Variants in SEC24D observed in about 807,000 individuals in gnomAD.
SEC24D encodes SEC24 homolog D, COPII component.
A neutral mutation model predicts 116.9 loss-of-function variants in SEC24D; 69 were observed. That is an observed-to-expected ratio of 0.59 (90% confidence interval 0.49 to 0.72). The LOEUF is 0.72. SEC24D is among the 30% of genes least tolerant of loss of function. The pLI is 0.00. For missense variants in SEC24D, 1,131 were observed against 1,264.1 expected (o/e 0.89, Z 1.60); for synonymous variants, 405 against 442.8 (o/e 0.91, Z 1.07).
chr4:118,800,515 T>C (rs939521777), intron 7 of SEC24D, among the ~76,000 whole-genome samples: 1 of 152,180 alleles, frequency 6.6e-6, no homozygotes, highest in Non-Finnish European at 1.5e-5. Flanking sequence ...TTTTAAATAA[T>C]GACAATTAAT....
chr4:118,796,615 C>T (rs1356691892), intron 8 of SEC24D, among the ~76,000 whole-genome samples: 6 of 152,188 alleles, frequency 3.9e-5, no homozygotes, highest in African/African-American at 1.4e-4. Flanking sequence ...CATCACACAT[C>T]TCTCTTTTCT....
intron 10 of SEC24D, among the ~76,000 whole-genome samples, chr4:118,758,837 T>A (rs1047645370): frequency 1.3e-5 from 2 of 152,188 alleles, no homozygotes; most frequent in African/African-American, 4.8e-5. Context: ...TTATAGGACT[T>A]AAAAATCATC....
intron 8 of SEC24D, among the ~76,000 whole-genome samples, chr4:118,785,812 C>A (rs1176288362): frequency 6.6e-6 from 1 of 152,142 alleles, no homozygotes. Flanking sequence ...GCTAGAACCA[C>A]TGAAGGGGTT....
At chr4:118,740,612 T>C (rs372661489) in intron 17 of SEC24D, 51 bp downstream of exon 17, 52 of 1,596,210 alleles carry the variant, frequency 3.3e-5, no homozygotes, top group Middle Eastern at 1.7e-4. Context: ...CCACTGATCA[T>C]TGTCGGCAAC....
At chr4:118,762,267 T>G (rs1234247733) in intron 10 of SEC24D, among the ~76,000 whole-genome samples, 1 of 152,180 alleles carries the variant, frequency 6.6e-6, no homozygotes, top group African/African-American at 2.4e-5. Context: ...TACTTGCTCA[T>G]GTATACACAG....
intron 1 of SEC24D, among the ~76,000 whole-genome samples, 182 bp downstream of exon 1, chr4:118,835,759 G>A (rs1247002864): frequency 6.6e-6 from 1 of 152,140 alleles, no homozygotes; most frequent in African/African-American, 2.4e-5. Flanking sequence ...CCATCCCGCC[G>A]GCCCCACTAT....
rs750013231 is a variant in SEC24D at position 118,732,914 on chromosome 4, T to G, written c.2497-2A>C. The G allele has an allele frequency of 6.2e-7, 1 of 1,612,148 alleles. No individual in the cohort carries two copies. ...TTTCATGGAATCTGGTAGAATAAGC[T>G]GAAAAAGACAATTTTTTGTTTCATA... On this transcript the variant is annotated splice_acceptor_variant, in intron 19 of 22. Transcript: ENST00000280551. LOFTEE classifies it high-confidence loss of function.
At chr4:118,806,021 A>AGCAAGG in intron 6 of SEC24D, 67 bp from the exon 7 acceptor site, 1 of 1,006,556 alleles carries the variant, frequency 9.9e-7, no homozygotes, top group Non-Finnish European at 1.5e-6. Flanking sequence ...CCATTTAGAG[A>AGCAAGG]GTACCCTTGC....
At chr4:118,772,002 C>T (rs896776624) in intron 8 of SEC24D, among the ~76,000 whole-genome samples, 7 of 151,980 alleles carry the variant, frequency 4.6e-5, no homozygotes, top group Non-Finnish European at 7.4e-5. Context: ...TTTAGAAAGG[C>T]GATGTTAAAT....
chr4:118,818,014 G>C (rs1412049311), intron 3 of SEC24D, among the ~76,000 whole-genome samples: 1 of 151,972 alleles, frequency 6.6e-6, no homozygotes, highest in African/African-American at 2.4e-5. Context: ...TCTAGCCTGG[G>C]CAACAGAGCC....
At chr4:118,752,941 G>C in intron 11 of SEC24D, 53 bp from the exon 12 acceptor site, 1 of 1,339,788 alleles carries the variant, frequency 7.5e-7, no homozygotes, top group Non-Finnish European at 1.0e-6. Context: ...AGATGAAAAG[G>C]AGGTTTCTAT....
chr4:118,768,308 G>T lies in SEC24D; in HGVS notation c.1045C>A (p.Pro349Thr), dbSNP rs1486850924. Residue 349 changes from proline to threonine, a missense_variant, in exon 9 of 23, where the codon CCC (proline) becomes ACC (threonine). Transcript: ENST00000280551. Reference protein sequence around the residue: ...PFATIPSNESPLYLVNHGESG... With the variant: ...PFATIPSNESTLYLVNHGESG... ...TCGCCGTGATTTACCAAGTAAAGGG[G>T]ACTCTATGGAGAAGCAAGAAAAATT... The T allele has an allele frequency of 5.6e-6, 9 of 1,611,390 alleles. No homozygotes were observed. The highest frequency in any genetic ancestry group is 5.4e-5 in the African/African-American group (4 of 74,662).
At chr4:118,801,547 T>G (rs1729444472) in intron 7 of SEC24D, among the ~76,000 whole-genome samples, 1 of 152,204 alleles carries the variant, frequency 6.6e-6, no homozygotes, top group Admixed American at 6.5e-5. Flanking sequence ...AAAACTTTCC[T>G]TATTATCATC....
rs186606568 is a variant in SEC24D, at chr4:118,757,638, T to C, written c.1421+83A>G. The C allele has an allele frequency of 1.8e-4, 233 of 1,314,574 alleles. No homozygotes were observed. The African/African-American group carries it at 3.3e-3, about 18-fold the overall frequency. 81.4% of individuals were successfully genotyped at this position (1,314,574 alleles called of 1,614,324 possible). A position where few individuals can be genotyped will look rare whatever the true frequency, so the allele number is the denominator to read the frequency against. Reference sequence around the variant, plus strand: ...GTCCTCATTAGCAAAAAAAATCAATTGGTCATTCAGCACTTATCTTCTGGC... The same window carrying C: ...GTCCTCATTAGCAAAAAAAATCAATCGGTCATTCAGCACTTATCTTCTGGC... On this transcript the variant is annotated intron_variant, in intron 11 of 22. Transcript: ENST00000280551.
At chr4:118,732,636 T>C (rs1725749106) in intron 20 of SEC24D, 97 bp downstream of exon 20, 1 of 1,218,264 alleles carries the variant, frequency 8.2e-7, no homozygotes, top group Non-Finnish European at 1.2e-6. Context: ...AACTTTCCTC[T>C]TAAGAACAAC....
intron 17 of SEC24D, among the ~76,000 whole-genome samples, 171 bp downstream of exon 17, chr4:118,740,492 T>C (rs970619753): frequency 6.6e-6 from 1 of 152,136 alleles, no homozygotes; most frequent in African/African-American, 2.4e-5. Context: ...TATGAATGAG[T>C]ATGGAGAAAC....
At chr4:118,812,664 G>C (rs1729967963) in intron 6 of SEC24D, among the ~76,000 whole-genome samples, 1 of 152,034 alleles carries the variant, frequency 6.6e-6, no homozygotes, top group South Asian at 2.1e-4. Context: ...TCTCCCTCTG[G>C]CTCCCCCACC....
At chr4:118,834,266 G>A (rs1376489188) in intron 1 of SEC24D, among the ~76,000 whole-genome samples, 1 of 152,158 alleles carries the variant, frequency 6.6e-6, no homozygotes, top group Non-Finnish European at 1.5e-5. Flanking sequence ...GTTGATAATG[G>A]GCTTATTTTA....
chr4:118,777,147 G>C (rs1450435067), intron 8 of SEC24D, among the ~76,000 whole-genome samples: 5 of 150,706 alleles, frequency 3.3e-5, no homozygotes, highest in African/African-American at 9.8e-5. Flanking sequence ...TTAAGTTAGA[G>C]GGTACATGTG....
Sources: gnomAD v4.1 joint callset for allele counts (sites outside exome capture counted in the v4.1 genomes callset) on GRCh38, gnomAD v4.1.1 for gene constraint, MANE v1.5 for transcripts, NCBI Gene and HGNC (gene_info 2026-07-23, HGNC 2026-07-21) for gene names.